The following STX8 variants were observed in gnomAD, a reference collection of about 807,000 sequenced individuals.
STX8 encodes syntaxin 8.
A neutral mutation model predicts 37.5 loss-of-function variants in STX8; 23 were observed. That is an observed-to-expected ratio of 0.61 (90% confidence interval 0.44 to 0.87). The LOEUF is 0.87. Among genes scored for constraint, STX8 ranks in the 40% least tolerant of loss-of-function variants. The probability of loss-of-function intolerance (pLI) is 0.00; values close to 1 mark genes in which losing one functional copy is unlikely to be tolerated. For synonymous variants in STX8, 115 were observed against 99.1 expected (o/e 1.16, Z -0.95); for missense variants, 313 against 284.7 (o/e 1.10, Z -0.71).
intron 7 of STX8, among the ~76,000 whole-genome samples, chr17:9,302,179 G>A (rs1384766925): frequency 6.6e-6 from 1 of 152,058 alleles, no homozygotes; most frequent in East Asian, 1.9e-4. Context: ...TTTTCTAGAA[G>A]ATCATTGAAC....
intron 7 of STX8, among the ~76,000 whole-genome samples, chr17:9,259,051 CA>C (rs139335599): frequency 0.23 from 34,557 of 152,136 alleles, 4,957 homozygotes; most frequent in Admixed American, 0.33. Flanking sequence ...ATAGAATCTC[CA>C]AAAACAGATC....
chr17:9,269,530 GT>G (rs1907373075), intron 7 of STX8, among the ~76,000 whole-genome samples: 1 of 152,138 alleles, frequency 6.6e-6, no homozygotes, highest in Admixed American at 6.5e-5. Context: ...AATAAAAGGT[GT>G]TTGAGGATAA....
intron 7 of STX8, among the ~76,000 whole-genome samples, chr17:9,302,366 T>C (rs1480929276): frequency 1.3e-5 from 2 of 152,250 alleles, no homozygotes; most frequent in Admixed American, 1.3e-4. Context: ...TTTATATTTA[T>C]TAATAAACCT....
At chr17:9,304,925 ATATG>A (rs140995436) in intron 7 of STX8, among the ~76,000 whole-genome samples, 14,306 of 141,554 alleles carry the variant, frequency 0.1, 827 homozygotes, top group Non-Finnish European at 0.13. Flanking sequence ...GAAAAAAAAA[ATATG>A]TATATATATA....
At chr17:9,313,623 C>T (rs1194738975) in intron 7 of STX8, among the ~76,000 whole-genome samples, 3 of 152,208 alleles carry the variant, frequency 2.0e-5, no homozygotes, top group African/African-American at 7.2e-5. Context: ...GTAAGGGTCA[C>T]TTCTATCTCT....
chr17:9,515,923 A>G (rs1267320227), intron 4 of STX8, among the ~76,000 whole-genome samples: 1 of 152,142 alleles, frequency 6.6e-6, no homozygotes, highest in African/African-American at 2.4e-5. Flanking sequence ...CCTTCGAAGA[A>G]GGGGGAAGAA....
chr17:9,430,265 A>C (rs1367808931), intron 6 of STX8, among the ~76,000 whole-genome samples: 2 of 138,546 alleles, frequency 1.4e-5, no homozygotes, highest in African/African-American at 5.3e-5. Flanking sequence ...AAAGTATATA[A>C]TTCTGTGGCA....
At chr17:9,478,462 A>G (rs1906186948) in intron 6 of STX8, among the ~76,000 whole-genome samples, 1 of 152,220 alleles carries the variant, frequency 6.6e-6, no homozygotes, top group South Asian at 2.1e-4. Context: ...AGGCCGACTT[A>G]CGGTCTTTTG....
Position 9,275,867 on chromosome 17 carries a change from C to CA in STX8, c.644-25223dup, listed in dbSNP as rs1368294269. Reference sequence around the variant, plus strand: ...TGGTCAACAGAGTGAGACTCTGCCTCAAAAAAAGAAAAAAAAGAAAAAAAA... The same window carrying CA: ...TGGTCAACAGAGTGAGACTCTGCCTCAAAAAAAAGAAAAAAAAGAAAAAAAA... On this transcript the variant is annotated intron_variant, in intron 7 of 7. Coordinates refer to ENST00000306357, the MANE Select transcript of STX8 (RefSeq NM_004853.3). Among the ~76,000 whole-genome samples, 244 of 141,810 alleles carry CA rather than the reference C, an allele frequency of 1.7e-3. 6 individuals carry two copies. The highest frequency in any genetic ancestry group is 6.1e-3 in the African/African-American group (227 of 36,972). The allele number at this position is 141,810 out of a possible 152,430, so 93.0% of individuals were successfully genotyped here.
chr17:9,353,180 T>C (rs1910767466), intron 7 of STX8, among the ~76,000 whole-genome samples: 1 of 152,218 alleles, frequency 6.6e-6, no homozygotes, highest in Non-Finnish European at 1.5e-5. Context: ...ATTACAGGCA[T>C]GACTGCCCCA....
intron 6 of STX8, among the ~76,000 whole-genome samples, chr17:9,404,906 G>C (rs1387834817): frequency 6.6e-6 from 1 of 152,060 alleles, no homozygotes; most frequent in African/African-American, 2.4e-5. Flanking sequence ...TAATTCCTCT[G>C]GTGTGGTGTC....
At chr17:9,327,225 A>G (rs182342729) in intron 7 of STX8, among the ~76,000 whole-genome samples, 4 of 147,974 alleles carry the variant, frequency 2.7e-5, no homozygotes, top group Non-Finnish European at 4.5e-5. Context: ...AAGGAGGAAG[A>G]AGGAGGAAGG....
At chr17:9,549,476 C>T (rs1323874983) in intron 3 of STX8, among the ~76,000 whole-genome samples, 1 of 152,182 alleles carries the variant, frequency 6.6e-6, no homozygotes, top group Non-Finnish European at 1.5e-5. Context: ...GGGTTAACAG[C>T]CATGCTAGGT....
rs970543268 is a variant in STX8 at position 9,426,463 on chromosome 17, G to T, written c.542-47810C>A. ...AATTGCTTGAACCTAGGAGGCAGAGGTTGCAGTGAGCCAAGATCGTGCCAC... is the reference window on the plus strand; with the variant it reads ...AATTGCTTGAACCTAGGAGGCAGAGTTTGCAGTGAGCCAAGATCGTGCCAC... On this transcript the variant is annotated intron_variant, in intron 6 of 7. Coordinates refer to ENST00000306357, the MANE Select transcript of STX8 (RefSeq NM_004853.3). 4.6e-5 allele frequency among the ~76,000 whole-genome samples: 7 copies of T among 152,182 alleles called. No individual in the cohort carries two copies. The East Asian group carries it at 1.2e-3, about 25-fold the overall frequency.
intron 7 of STX8, among the ~76,000 whole-genome samples, chr17:9,338,128 A>G (rs1910199783): frequency 7.2e-6 from 1 of 139,060 alleles, no homozygotes. Context: ...ATCTTGGCTC[A>G]TTGCAACCTC....
At chr17:9,559,961 C>T (rs1225885779) in intron 2 of STX8, among the ~76,000 whole-genome samples, 4 of 147,964 alleles carry the variant, frequency 2.7e-5, no homozygotes, top group Non-Finnish European at 6.0e-5. Context: ...AGAGTTTCAC[C>T]ATATTGGTCA....
intron 7 of STX8, among the ~76,000 whole-genome samples, chr17:9,337,556 G>A (rs903221596): frequency 1.3e-5 from 2 of 152,096 alleles, no homozygotes; most frequent in East Asian, 1.9e-4. Context: ...TAGTAGAGAC[G>A]GGGTTTCACC....
chr17:9,316,342 C>A (rs115894176), intron 7 of STX8, among the ~76,000 whole-genome samples: 79 of 152,130 alleles, frequency 5.2e-4, no homozygotes, highest in African/African-American at 1.8e-3. Context: ...TAGATAGCAT[C>A]AGGATGGGGG....
intron 6 of STX8, among the ~76,000 whole-genome samples, chr17:9,391,080 A>T (rs1912203523): frequency 6.6e-6 from 1 of 152,164 alleles, no homozygotes; most frequent in Admixed American, 6.5e-5. Flanking sequence ...AACAACCTAC[A>T]CAGAAGAATA....
Sources: allele counts gnomAD v4.1 joint callset (sites outside exome capture counted in the v4.1 genomes callset), GRCh38; gene constraint gnomAD v4.1.1; transcripts MANE v1.5; gene names NCBI Gene and HGNC (gene_info 2026-07-23, HGNC 2026-07-21).